Variants in PKHD1 observed in about 807,000 individuals in gnomAD.
PKHD1 encodes fibrocystin.
PKHD1 carries 291 observed loss-of-function variants against 412.0 expected under a neutral mutation model. The observed-to-expected ratio is 0.71, with a 90% CI of 0.64 to 0.78. The LOEUF (loss-of-function observed/expected upper bound fraction) is 0.78. Ranked by LOEUF, PKHD1 falls within the 30% of genes least tolerant of loss-of-function variation. The pLI, the probability that PKHD1 is intolerant of heterozygous loss-of-function variation, is 0.00. For missense variants in PKHD1, 4,825 were observed against 4,950.7 expected (o/e 0.97, Z 0.76); for synonymous variants, 1,777 against 1,821.5 (o/e 0.98, Z 0.62).
intron 60 of PKHD1, among the ~76,000 whole-genome samples, chr6:51,685,246 C>A (rs1412178679): frequency 1.3e-5 from 2 of 151,988 alleles, no homozygotes; most frequent in East Asian, 3.9e-4. Flanking sequence ...TCATTTTATA[C>A]CCCAAAACTT....
intron 8 of PKHD1, 84 bp from the exon 9 acceptor site, chr6:52,071,154 C>A: frequency 1.1e-6 from 1 of 924,310 alleles, no homozygotes; most frequent in Non-Finnish European, 1.8e-6. Context: ...AAGTAGAAAG[C>A]AAAAGAAAAC....
chr6:51,772,745 A>G lies in PKHD1; in HGVS notation c.8599T>C (p.Ser2867Pro), dbSNP rs750639569. The change falls in exon 55 of 67, where the codon TCC becomes CCC. Residue 2867 changes from serine to proline, a missense_variant. By Grantham distance (74) the Ser-to-Pro change is moderately conservative. Transcript: ENST00000371117. ...ATATCAGCTCCAAGATGTGTCCAGG[A>G]GTTCTTAGGATAAGCACTGTAAAGA... is the stretch of plus-strand genomic sequence containing the variant. ...VHLYSAYPKN[S>P]WTHLGADIAS... 3 of 1,600,646 alleles carry G rather than the reference A, an allele frequency of 1.9e-6. No homozygotes were observed. Among genetic ancestry groups the G allele is most frequent in the Admixed American group, 1.7e-5 (1 of 59,824 alleles).
At chr6:51,653,040 T>C (rs1040055884) in intron 61 of PKHD1, among the ~76,000 whole-genome samples, 4 of 152,178 alleles carry the variant, frequency 2.6e-5, no homozygotes, top group African/African-American at 9.6e-5. Flanking sequence ...ATTATGTTTA[T>C]ATACAGGGAA....
At chr6:52,024,488 G>A in intron 32 of PKHD1, 86 bp downstream of exon 32, 1 of 1,251,244 alleles carries the variant, frequency 8.0e-7, no homozygotes, top group African/African-American at 1.5e-5. Flanking sequence ...CAGGCAGATT[G>A]TGTTAATTTT....
chr6:51,748,697 C>T, intron 57 of PKHD1, 32 bp from the exon 58 acceptor site: 1 of 1,605,486 alleles, frequency 6.2e-7, no homozygotes. Flanking sequence ...CAGGTACTTT[C>T]CTCTTCCCCA....
At chr6:51,860,749 ATGT>A (rs1472409696) in intron 48 of PKHD1, among the ~76,000 whole-genome samples, 2 of 151,862 alleles carry the variant, frequency 1.3e-5, no homozygotes, top group Non-Finnish European at 2.9e-5. Flanking sequence ...TAAGCCTTAC[ATGT>A]TGTTTTTCTT....
intron 43 of PKHD1, among the ~76,000 whole-genome samples, chr6:51,898,163 C>T (rs1442116748): frequency 1.3e-5 from 2 of 152,154 alleles, no homozygotes; most frequent in Non-Finnish European, 2.9e-5. Flanking sequence ...ACCAAGCGAA[C>T]CTAATAGACA....
At chr6:51,815,551 T>G (rs573580470) in intron 52 of PKHD1, among the ~76,000 whole-genome samples, 1 of 152,054 alleles carries the variant, frequency 6.6e-6, no homozygotes, top group East Asian at 1.9e-4. Context: ...GGAAAAGAAA[T>G]AGTCGATTCC....
At chr6:51,793,226 T>C (rs1051191945) in intron 52 of PKHD1, among the ~76,000 whole-genome samples, 1 of 152,058 alleles carries the variant, frequency 6.6e-6, no homozygotes, top group Non-Finnish European at 1.5e-5. Flanking sequence ...AATAAAAGAG[T>C]GAAGTACCTA....
intron 44 of PKHD1, among the ~76,000 whole-genome samples, chr6:51,886,625 G>T (rs1472583857): frequency 6.6e-6 from 1 of 152,126 alleles, no homozygotes; most frequent in African/African-American, 2.4e-5. Context: ...GTAGAATGGT[G>T]GTTGGCAGGG....
At chr6:51,792,695 C>A (rs1315387185) in intron 52 of PKHD1, among the ~76,000 whole-genome samples, 2 of 152,166 alleles carry the variant, frequency 1.3e-5, no homozygotes, top group Non-Finnish European at 2.9e-5. Context: ...CTTTTCCCTC[C>A]CCTTTTCTCT....
chr6:51,619,108 G>A lies in PKHD1; in HGVS notation c.12198C>T (p.His4066=), dbSNP rs147051900. 6.6e-5 allele frequency: 106 copies of A among 1,614,218 alleles called. No homozygotes were observed. The African/African-American group carries it at 1.2e-3, about 19-fold the overall frequency. The part of the protein sequence containing the change: ...ATEAFCLHSV[H]PETIQEQL ...ACAGTTGCTCCTGAATAGTTTCCGG[G>A]TGTACTGAATGAAGGCAGAATGCCT... Residue 4066 remains histidine (H), a synonymous_variant, in exon 67 of 67, where the codon CAC becomes CAT. Coordinates refer to ENST00000371117, the MANE Select transcript of PKHD1 (RefSeq NM_138694.4).
chr6:51,999,324 T>C (rs929642538), intron 35 of PKHD1, among the ~76,000 whole-genome samples: 3 of 152,224 alleles, frequency 2.0e-5, no homozygotes, highest in Non-Finnish European at 1.5e-5. Flanking sequence ...TTCCCCTTCT[T>C]TTCTCCTCTA....
intron 46 of PKHD1, among the ~76,000 whole-genome samples, chr6:51,874,806 G>A (rs1776587424): frequency 1.1e-5 from 1 of 94,264 alleles, no homozygotes; most frequent in Non-Finnish European, 2.0e-5. Context: ...CTCCCAGCGT[G>A]AGCGACGCAG....
intron 63 of PKHD1, among the ~76,000 whole-genome samples, chr6:51,645,453 C>T (rs571339470): frequency 7.2e-5 from 11 of 152,136 alleles, no homozygotes; most frequent in South Asian, 4.1e-4. Context: ...AGTGCAGTGG[C>T]GCCATCTTGG....
chr6:51,938,128 C>G (rs1248083077), intron 36 of PKHD1, among the ~76,000 whole-genome samples: 3 of 13,954 alleles, frequency 2.1e-4, no homozygotes, highest in Admixed American at 6.7e-4. Context: ...TAAGAGGTGC[C>G]AAAATTCTAA....
chr6:51,746,378 T>C (rs781175567), intron 59 of PKHD1, among the ~76,000 whole-genome samples: 3 of 152,232 alleles, frequency 2.0e-5, no homozygotes, highest in Admixed American at 6.5e-5. Flanking sequence ...CCCAAAGAAG[T>C]CTCTCTAATT....
intron 48 of PKHD1, among the ~76,000 whole-genome samples, chr6:51,866,857 A>G (rs372370317): frequency 1.3e-5 from 2 of 152,124 alleles, no homozygotes; most frequent in Admixed American, 6.6e-5. Flanking sequence ...ATAAAAATAT[A>G]TCCCTACATA....
intron 27 of PKHD1, among the ~76,000 whole-genome samples, chr6:52,038,716 T>C (rs1026150131): frequency 6.6e-6 from 1 of 152,082 alleles, no homozygotes; most frequent in African/African-American, 2.4e-5. Context: ...CCCTACCTCA[T>C]ACCATGTACA....
Sources: gnomAD v4.1 joint callset for allele counts (sites outside exome capture counted in the v4.1 genomes callset) on GRCh38, gnomAD v4.1.1 for gene constraint, MANE v1.5 for transcripts, NCBI Gene and HGNC (gene_info 2026-07-23, HGNC 2026-07-21) for gene names.